Variants in ASNS observed in about 807,000 individuals in gnomAD.
ASNS encodes the protein asparagine synthetase [glutamine-hydrolyzing].
Under a neutral mutation model 62.6 loss-of-function variants are expected in ASNS, and 37 were observed. That is an observed-to-expected ratio of 0.59 (90% CI 0.45 to 0.78). ASNS has a LOEUF of 0.78. Among genes scored for constraint, ASNS ranks in the 30% least tolerant of loss-of-function variants. The pLI, the probability that ASNS is intolerant of heterozygous loss-of-function variation, is 0.00. For synonymous variants in ASNS, 207 were observed against 237.9 expected (o/e 0.87, Z 1.19); for missense variants, 520 against 682.4 (o/e 0.76, Z 2.65).
chr7:97,862,209 G>A (rs888357617), intron 4 of ASNS, among the ~76,000 whole-genome samples: 2 of 152,088 alleles, frequency 1.3e-5, no homozygotes, highest in African/African-American at 4.8e-5. Flanking sequence ...CATGGCACAT[G>A]TATACATATG....
chr7:97,878,316 C>T, the ASNS span, among the ~76,000 whole-genome samples: 1 of 152,192 alleles, frequency 6.6e-6, no homozygotes, highest in African/African-American at 2.4e-5. Context: ...TAAGGGCTCA[C>T]AACTCTAAGG....
chr7:97,896,149 G>A, the ASNS span, among the ~76,000 whole-genome samples: 1 of 152,004 alleles, frequency 6.6e-6, no homozygotes, highest in Non-Finnish European at 1.5e-5. Context: ...TAGAGATTCA[G>A]TATAATCCCT....
In ASNS at chr7:97,864,270, G is replaced by A; in HGVS notation, c.476C>T (p.Ser159Leu). 1 of 1,613,012 alleles carries A rather than the reference G, an allele frequency of 6.2e-7. No homozygotes were observed. The highest frequency in any genetic ancestry group is 8.5e-7 in the Non-Finnish European group (1 of 1,179,322). Residue 159 changes from serine to leucine, a missense_variant, in exon 4 of 13, where the codon TCA becomes TTA. Physicochemically the swap from Ser to Leu is moderately radical, Grantham distance 145. Transcript: ENST00000394308. ...AAATTTATTATTACCTTTAGCTTCT[G>A]AACATACAGCCAAAAATCCATCTTC... ...MTEDGFLAVC[S>L]EAKGLVTLKH...
At chr7:97,856,373 T>A (rs990080183) in intron 8 of ASNS, among the ~76,000 whole-genome samples, 3 of 152,204 alleles carry the variant, frequency 2.0e-5, no homozygotes, top group Non-Finnish European at 4.4e-5. Context: ...ATTTCCTCAC[T>A]GTATATAGAC....
chr7:97,911,851 G>A, the ASNS span, among the ~76,000 whole-genome samples: 149 of 152,124 alleles, frequency 9.8e-4, 1 homozygote, highest in East Asian at 0.016. Context: ...ATGGAAGAAA[G>A]GAATGGAAGA....
intron 6 of ASNS, 40 bp downstream of exon 6, chr7:97,858,814 C>T (rs1791578887): frequency 6.5e-7 from 1 of 1,527,432 alleles, no homozygotes; most frequent in Non-Finnish European, 8.9e-7. Flanking sequence ...TTCAATTAAA[C>T]ACACATGAAA....
chr7:97,888,385 G>A, the ASNS span, among the ~76,000 whole-genome samples: 3 of 146,010 alleles, frequency 2.1e-5, no homozygotes, highest in Non-Finnish European at 4.5e-5. Context: ...AATTTTGACT[G>A]CTCTAAACAG....
At chr7:97,903,018 AG>A in the ASNS span, among the ~76,000 whole-genome samples, 1 of 152,264 alleles carries the variant, frequency 6.6e-6, no homozygotes, top group Non-Finnish European at 1.5e-5. Flanking sequence ...GCAGGGATCC[AG>A]GGATGACGCT....
the ASNS span, among the ~76,000 whole-genome samples, chr7:97,915,282 T>A: frequency 6.6e-6 from 1 of 152,190 alleles, no homozygotes; most frequent in South Asian, 2.1e-4. Context: ...AGAAGAACCA[T>A]ACTGAAGTGG....
chr7:97,895,648 AG>A, the ASNS span, among the ~76,000 whole-genome samples: 1 of 152,096 alleles, frequency 6.6e-6, no homozygotes, highest in Non-Finnish European at 1.5e-5. Context: ...ACAATTAGCC[AG>A]GCATGGTGGT....
chr7:97,903,073 G>A, the ASNS span, among the ~76,000 whole-genome samples: 2 of 152,098 alleles, frequency 1.3e-5, no homozygotes, highest in African/African-American at 4.8e-5. Flanking sequence ...ATAGAACAGA[G>A]AAATTGCTGA....
At chr7:97,918,640 T>C in the ASNS span, among the ~76,000 whole-genome samples, 2 of 152,220 alleles carry the variant, frequency 1.3e-5, no homozygotes, top group South Asian at 2.1e-4. Context: ...TGCAAATACA[T>C]GTGCTTGTGT....
chr7:97,859,068 G>A, intron 5 of ASNS, 113 bp from the exon 6 acceptor site: 2 of 1,370,520 alleles, frequency 1.5e-6, no homozygotes, highest in Admixed American at 2.1e-5. Context: ...CTCAATGGTG[G>A]AGTGTGCCAA....
chr7:97,853,438 C>A, intron 10 of ASNS, 52 bp from the exon 11 acceptor site: 1 of 1,463,508 alleles, frequency 6.8e-7, no homozygotes, highest in Middle Eastern at 2.4e-4. Flanking sequence ...TTAGTGCCTG[C>A]CAGGTTAGGT....
upstream of ASNS, among the ~76,000 whole-genome samples, chr7:97,873,906 C>T (rs1792380704): frequency 6.6e-6 from 1 of 152,102 alleles, no homozygotes; most frequent in Non-Finnish European, 1.5e-5. Context: ...CAAAGGCAGA[C>T]ATTTCAAGGA....
chr7:97,870,922 A>G (rs141682796), intron 1 of ASNS, among the ~76,000 whole-genome samples: 2,286 of 152,330 alleles, frequency 0.015, 40 homozygotes, highest in Non-Finnish European at 0.023. Context: ...GAAAAAGCCA[A>G]TTAAAACTAT....
Position 97,854,479 on chromosome 7 carries a change from C to T in ASNS, c.1238+101G>A, listed in dbSNP as rs190122863. The T allele has an allele frequency of 5.7e-4, 799 of 1,399,850 alleles. 7 individuals are homozygous for T. In the East Asian group the frequency reaches 0.011, roughly 19 times the overall value. The allele number at this position is 1,399,850 out of a possible 1,614,324, so 86.7% of individuals were successfully genotyped here. On this transcript the variant is annotated intron_variant, in intron 10 of 12. Coordinates refer to ENST00000394308, the MANE Select transcript of ASNS (RefSeq NM_001673.5). ...CAACTATATGTAACATATAGCCAAT[C>T]AGCTATTGATTTTTATTTTCTCAGG... is the stretch of plus-strand genomic sequence containing the variant.
the ASNS span, among the ~76,000 whole-genome samples, chr7:97,896,737 C>CATATATATAT: frequency 4.8e-3 from 145 of 30,400 alleles, no homozygotes; most frequent in East Asian, 0.016. Flanking sequence ...CACACACACA[C>CATATATATAT]ACACATATAT....
chr7:97,896,207 A>C, the ASNS span, among the ~76,000 whole-genome samples: 2 of 152,088 alleles, frequency 1.3e-5, no homozygotes, highest in African/African-American at 2.4e-5. Flanking sequence ...CCTGAAATTC[A>C]TATGGAACCA....
Sources: allele counts gnomAD v4.1 joint callset (sites outside exome capture counted in the v4.1 genomes callset), GRCh38; gene constraint gnomAD v4.1.1; transcripts MANE v1.5; gene names NCBI Gene and HGNC (gene_info 2026-07-23, HGNC 2026-07-21).